The following KIR2DL3 variants were observed in gnomAD, a reference collection of about 807,000 sequenced individuals.
KIR2DL3 encodes the protein killer cell immunoglobulin-like receptor 2DL3.
Under a neutral mutation model 33.8 loss-of-function variants are expected in KIR2DL3, and 39 were observed. The observed-to-expected ratio is 1.15, with a 90% CI of 0.89 to 1.51. The LOEUF (loss-of-function observed/expected upper bound fraction) is 1.51, where lower values mean the gene tolerates loss of function less well. KIR2DL3 is among the 40% of genes most tolerant of loss of function. KIR2DL3 has a pLI of 0.00. For missense variants in KIR2DL3, 462 were observed against 426.2 expected, an observed-to-expected ratio of 1.08 and a Z score of -0.74; for synonymous variants, 174 against 160.2, an observed-to-expected ratio of 1.09 and a Z score of -0.65.
At chr19:54,747,520 C>T in intron 5 of KIR2DL3, 135 bp downstream of exon 5, 1 of 1,203,474 alleles carries the variant, frequency 8.3e-7, no homozygotes, top group East Asian at 2.3e-5. Flanking sequence ...TCCAGATACT[C>T]CAACAGCGAA....
chr19:54,751,198 C>T lies in KIR2DL3; in HGVS notation c.716-451C>T, dbSNP rs2073363990. On this transcript the variant is annotated intron_variant, in intron 5 of 7. Transcript: ENST00000342376. ...AAGGAGGGTCTGTCTGTGCAGAGAC[C>T]ACAGAGATCACACGGCAAGAGAGGG... Among the ~76,000 whole-genome samples, 2 of 131,884 alleles carry T rather than the reference C, an allele frequency of 1.5e-5. 1 individual carries two copies. The highest frequency in any genetic ancestry group is 5.5e-4 in the South Asian group (2 of 3,628). The allele number at this position is 131,884 out of a possible 152,430, so 86.5% of individuals were successfully genotyped here.
At chr19:54,744,919 A>ATATATATATATATAT (rs1568969043) in intron 4 of KIR2DL3, among the ~76,000 whole-genome samples, 1 of 41,020 alleles carries the variant, frequency 2.4e-5, no homozygotes, top group Non-Finnish European at 5.4e-5. Flanking sequence ...CACATATATA[A>ATATATATATATATAT]ACATATATAT....
At chr19:54,744,952 ATATTTTTTT>A (rs1284039157) in intron 4 of KIR2DL3, among the ~76,000 whole-genome samples, 1 of 27,218 alleles carries the variant, frequency 3.7e-5, no homozygotes, top group Non-Finnish European at 6.7e-5. Context: ...ATATATATAT[ATATTTTTTT>A]TTTTTTTTTT....
chr19:54,749,042 A>T (rs2073018687), intron 5 of KIR2DL3, among the ~76,000 whole-genome samples: 1 of 152,118 alleles, frequency 6.6e-6, no homozygotes, highest in African/African-American at 2.4e-5. Context: ...CCCCTGAAAG[A>T]TTGGCGGAAG....
chr19:54,739,797 C>G (rs1234716532), intron 2 of KIR2DL3, among the ~76,000 whole-genome samples: 9 of 152,312 alleles, frequency 5.9e-5, no homozygotes, highest in Admixed American at 2.6e-4. Flanking sequence ...AGCAGATCCT[C>G]TGAGGACAAA....
chr19:54,743,329 A>G (rs573284867), intron 3 of KIR2DL3, among the ~76,000 whole-genome samples: 147 of 152,316 alleles, frequency 9.7e-4, no homozygotes, highest in Admixed American at 3.1e-3. Context: ...TGATACATAC[A>G]TATAAATAAC....
rs546844144 is a variant in KIR2DL3, at chr19:54,752,682, CA to C, written c.*164del. 392 of 1,053,028 alleles carry C rather than the reference CA, an allele frequency of 3.7e-4. 83 individuals carry two copies. In the African/African-American group the frequency reaches 6.2e-3, roughly 17 times the overall value. 65.2% of individuals were successfully genotyped at this position (1,053,028 alleles called of 1,614,324 possible). On this transcript the variant is annotated 3_prime_UTR_variant, in exon 8 of 8. Transcript: ENST00000342376. ...CTTAGGGCATCGCTCTTCCTCACAC[CA>C]CAAATCTGAACGTGCCTCTCCCTTG...
chr19:54,739,584 A>G, intron 2 of KIR2DL3, 42 bp downstream of exon 2: 7 of 1,613,884 alleles, frequency 4.3e-6, no homozygotes, highest in Non-Finnish European at 5.9e-6. Context: ...CTCCCCACAT[A>G]AGAGGATTTT....
At chr19:54,740,346 C>G (rs1243297948) in intron 2 of KIR2DL3, among the ~76,000 whole-genome samples, 1 of 152,008 alleles carries the variant, frequency 6.6e-6, no homozygotes, top group African/African-American at 2.4e-5. Context: ...TTCGGTGTCA[C>G]TCTTATCTTG....
At chr19:54,748,939 C>A (rs1257701805) in intron 5 of KIR2DL3, among the ~76,000 whole-genome samples, 28 of 150,454 alleles carry the variant, frequency 1.9e-4, no homozygotes, top group East Asian at 1.7e-3. Flanking sequence ...AATTCAAAAT[C>A]AATAATAGAT....
intron 4 of KIR2DL3, among the ~76,000 whole-genome samples, chr19:54,745,895 C>T (rs1469316807): frequency 2.8e-5 from 4 of 143,808 alleles, no homozygotes; most frequent in Non-Finnish European, 6.2e-5. Context: ...TCACCACAAC[C>T]TCCACCTCCC....
chr19:54,744,939 TATATATATA>T (rs2072139622), intron 4 of KIR2DL3, among the ~76,000 whole-genome samples: 2 of 23,774 alleles, frequency 8.4e-5, no homozygotes. Context: ...TATATATATA[TATATATATA>T]TATATATTTT....
At position 54,738,597 on chromosome 19, in the gene KIR2DL3, A is replaced by G; in HGVS notation, c.34+18A>G. The G allele has an allele frequency of 6.2e-7, 1 of 1,614,010 alleles. No individual in the cohort carries two copies. Among genetic ancestry groups the G allele is most frequent in the Non-Finnish European group, 8.5e-7 (1 of 1,179,982 alleles). On this transcript the variant is annotated intron_variant, in intron 1 of 7. Coordinates refer to ENST00000342376, the MANE Select transcript of KIR2DL3 (RefSeq NM_015868.3). ...GTGTGTTGGTGAGTCCTGGAAGGGCATCGAGGGAGGGAGTGCGGGGATGGA... is the reference window on the plus strand; with the variant it reads ...GTGTGTTGGTGAGTCCTGGAAGGGCGTCGAGGGAGGGAGTGCGGGGATGGA...
Position 54,751,841 on chromosome 19 carries a change from G to T in KIR2DL3, c.820+88G>T, listed in dbSNP as rs900909334. 18 of 1,130,360 alleles carry T rather than the reference G, an allele frequency of 1.6e-5. 5 individuals are homozygous for T. Among genetic ancestry groups the T allele is most frequent in the East Asian group, 2.4e-5 (1 of 42,208 alleles). The allele number at this position is 1,130,360 out of a possible 1,614,324, so 70.0% of individuals were successfully genotyped here. A position where few individuals can be genotyped will look rare whatever the true frequency, so the allele number is the denominator to read the frequency against. ...CTCAGGTGTGTGTTCCTCACAGACA[G>T]GATGGTCCCTGGCCCAAGGCAGCAG... On this transcript the variant is annotated intron_variant, in intron 6 of 7. Coordinates refer to ENST00000342376, the MANE Select transcript of KIR2DL3 (RefSeq NM_015868.3).
At chr19:54,745,423 A>T (rs611614) in intron 4 of KIR2DL3, among the ~76,000 whole-genome samples, 45,759 of 150,074 alleles carry the variant, frequency 0.3, 7,204 homozygotes, top group South Asian at 0.39. Context: ...GTACAAGTGA[A>T]GTCATCTTGG....
At chr19:54,745,047 T>C (rs1359382603) in intron 4 of KIR2DL3, among the ~76,000 whole-genome samples, 1 of 148,724 alleles carries the variant, frequency 6.7e-6, no homozygotes, top group African/African-American at 2.5e-5. Context: ...AGATCCACCT[T>C]TTAGCTCTGT....
At chr19:54,741,407 T>G (rs199497511) in intron 2 of KIR2DL3, among the ~76,000 whole-genome samples, 1 of 149,924 alleles carries the variant, frequency 6.7e-6, no homozygotes, top group African/African-American at 2.5e-5. Flanking sequence ...TCAGCAAGGG[T>G]GGGATGATGA....
intron 4 of KIR2DL3, among the ~76,000 whole-genome samples, chr19:54,744,771 C>T (rs568991578): frequency 1.2e-3 from 181 of 150,068 alleles, no homozygotes; most frequent in African/African-American, 4.3e-3. Context: ...GTGATCCACC[C>T]GCATCTGCCT....
At position 54,742,258 on chromosome 19, in the gene KIR2DL3, C is replaced by T. The variant is rs1182864862; in HGVS notation, c.349C>T (p.Pro117Ser). The T allele has an allele frequency of 6.2e-7, 1 of 1,613,986 alleles. No homozygotes were observed. The highest frequency in any genetic ancestry group is 8.5e-7 in the Non-Finnish European group (1 of 1,180,030). Residue 117 changes from proline (P) to serine (S), a missense_variant, in exon 3 of 8, where the codon CCT becomes TCT. Physicochemically the swap from Pro to Ser is moderately conservative, Grantham distance 74. Coordinates refer to ENST00000342376, the MANE Select transcript of KIR2DL3 (RefSeq NM_015868.3). ...SPYQLSAPSD[P>S]LDIVITGLYE... The stretch of plus-strand genomic sequence containing the variant: ...CTATCAGTTGTCAGCTCCCAGTGAC[C>T]CTCTGGACATCGTCATCACAGGTGA...
Sources: allele counts gnomAD v4.1 joint callset (sites outside exome capture counted in the v4.1 genomes callset), GRCh38; gene constraint gnomAD v4.1.1; transcripts MANE v1.5; gene names NCBI Gene and HGNC (gene_info 2026-07-23, HGNC 2026-07-21).